Variants in KSR2 observed in about 807,000 individuals in gnomAD.
The protein encoded by KSR2 is kinase suppressor of ras 2.
A neutral mutation model predicts 107.8 loss-of-function variants in KSR2; 25 were observed. The observed-to-expected ratio is 0.23, with a 90% CI of 0.17 to 0.32. The LOEUF (loss-of-function observed/expected upper bound fraction) is 0.32, where lower values mean the gene tolerates loss of function less well. Ranked by LOEUF, KSR2 falls within the 10% of genes least tolerant of loss-of-function variation. KSR2 has a pLI of 1.00. For missense variants in KSR2, 887 were observed against 1,268.9 expected (o/e 0.70, Z 4.57); for synonymous variants, 480 against 507.0 (o/e 0.95, Z 0.71).
intron 3 of KSR2, among the ~76,000 whole-genome samples, chr12:117,852,331 G>A (rs904882090): frequency 2.0e-5 from 3 of 151,944 alleles, no homozygotes; most frequent in Admixed American, 6.6e-5. Flanking sequence ...GGGAGGCTAA[G>A]GCAGGAGAAC....
intron 3 of KSR2, among the ~76,000 whole-genome samples, chr12:117,836,246 C>T (rs956616826): frequency 1.3e-5 from 2 of 152,222 alleles, no homozygotes; most frequent in South Asian, 2.1e-4. Flanking sequence ...CCTCAACTGT[C>T]GGTACCCATC....
intron 4 of KSR2, among the ~76,000 whole-genome samples, chr12:117,698,045 C>T (rs532839708): frequency 3.3e-5 from 5 of 152,106 alleles, no homozygotes; most frequent in African/African-American, 9.6e-5. Context: ...CGAAGAACAC[C>T]GAAGACTGCC....
intron 3 of KSR2, among the ~76,000 whole-genome samples, chr12:117,851,307 G>A (rs1256525680): frequency 6.6e-6 from 1 of 152,200 alleles, no homozygotes; most frequent in Non-Finnish European, 1.5e-5. Flanking sequence ...AGTGCTGCTT[G>A]ACCAAGCATG....
At chr12:117,712,749 A>G (rs995256948) in intron 4 of KSR2, among the ~76,000 whole-genome samples, 1 of 152,200 alleles carries the variant, frequency 6.6e-6, no homozygotes, top group African/African-American at 2.4e-5. Context: ...GGTCAGTCAC[A>G]TAGCCAATTC....
chr12:117,927,670 G>A (rs1007763704), intron 1 of KSR2, among the ~76,000 whole-genome samples: 2 of 151,934 alleles, frequency 1.3e-5, no homozygotes, highest in Non-Finnish European at 2.9e-5. Context: ...TCCAACCTGG[G>A]CGACAGAGCA....
chr12:117,673,680 TC>T (rs1226078675), intron 4 of KSR2, among the ~76,000 whole-genome samples: 1 of 151,200 alleles, frequency 6.6e-6, no homozygotes, highest in Non-Finnish European at 1.5e-5. Context: ...CAAGGCATGG[TC>T]AGGGGGAAAA....
At chr12:117,870,136 C>A (rs1164366665) in intron 1 of KSR2, among the ~76,000 whole-genome samples, 1 of 152,172 alleles carries the variant, frequency 6.6e-6, no homozygotes, top group Non-Finnish European at 1.5e-5. Context: ...TGGGCATCGA[C>A]CCCTCAGGGG....
Position 117,739,470 on chromosome 12 carries a change from C to T in KSR2, c.986+21541G>A, listed in dbSNP as rs1193205293. 2.0e-5 allele frequency among the ~76,000 whole-genome samples: 3 copies of T among 152,168 alleles called. No individual in the cohort carries two copies. The East Asian group carries it at 5.8e-4, about 29-fold the overall frequency. ...GCTCCATTATAATCGTAGAGACCAC[C>T]GTTGAGATAAGCAGGTCATCCTTGC... On this transcript the variant is annotated intron_variant, in intron 4 of 19. Transcript: ENST00000339824.
At chr12:117,846,247 G>A (rs528632379) in intron 3 of KSR2, among the ~76,000 whole-genome samples, 1 of 149,168 alleles carries the variant, frequency 6.7e-6, no homozygotes, top group Non-Finnish European at 1.5e-5. Flanking sequence ...AGCCACCATT[G>A]TTTCACTTCA....
intron 2 of KSR2, among the ~76,000 whole-genome samples, chr12:117,856,515 T>C (rs1156971927): frequency 6.6e-6 from 1 of 152,190 alleles, no homozygotes; most frequent in Non-Finnish European, 1.5e-5. Flanking sequence ...TCGCTCTTGT[T>C]TCCCAGGCTG....
At chr12:117,913,126 T>C (rs1403005277) in intron 1 of KSR2, among the ~76,000 whole-genome samples, 1 of 152,100 alleles carries the variant, frequency 6.6e-6, no homozygotes, top group African/African-American at 2.4e-5. Flanking sequence ...CGTTCCCGAG[T>C]TGGCCTCAGA....
chr12:117,878,759 A>G (rs1347008610), intron 1 of KSR2, among the ~76,000 whole-genome samples: 1 of 152,238 alleles, frequency 6.6e-6, no homozygotes, highest in Non-Finnish European at 1.5e-5. Context: ...TCCTGAAAGC[A>G]GGTCTCACTG....
At chr12:117,849,667 TC>T (rs1420031005) in intron 3 of KSR2, among the ~76,000 whole-genome samples, 5 of 152,106 alleles carry the variant, frequency 3.3e-5, no homozygotes, top group Admixed American at 3.3e-4. Context: ...CATTAACATC[TC>T]TAAAATAAAG....
At chr12:117,524,808 CAG>C (rs750639450) in intron 14 of KSR2, 42 bp downstream of exon 14, 4 of 1,551,404 alleles carry the variant, frequency 2.6e-6, no homozygotes, top group Admixed American at 2.0e-5. Flanking sequence ...ATGCCAGAAG[CAG>C]AGTTTTGCCA....
chr12:117,717,526 A>C (rs1887031338), intron 4 of KSR2, among the ~76,000 whole-genome samples: 1 of 152,156 alleles, frequency 6.6e-6, no homozygotes, highest in South Asian at 2.1e-4. Context: ...CTCAAAAATA[A>C]AACATAAAAA....
intron 4 of KSR2, among the ~76,000 whole-genome samples, chr12:117,731,515 C>T (rs555761599): frequency 1.1e-3 from 171 of 152,114 alleles, no homozygotes; most frequent in African/African-American, 3.8e-3. Context: ...TCTGTCCGGC[C>T]GCCACCCCGT....
intron 1 of KSR2, among the ~76,000 whole-genome samples, chr12:117,896,958 G>A (rs1894532899): frequency 6.6e-6 from 1 of 152,158 alleles, no homozygotes; most frequent in East Asian, 1.9e-4. Flanking sequence ...CTGAGGTTAA[G>A]GATCCAGTGT....
rs199562631 is a variant in KSR2 at position 117,721,260 on chromosome 12, GC to G, written c.986+39750del. ...ATACCAATGCAATGCAACATTATGT[GC>G]CCATCTAAAAATGGAAACTCCCATT... On this transcript the variant is annotated intron_variant, in intron 4 of 19. Transcript: ENST00000339824. 6.4e-3 allele frequency among the ~76,000 whole-genome samples: 976 copies of G among 152,272 alleles called. 11 individuals carry two copies. Among genetic ancestry groups the G allele is most frequent in the African/African-American group, 0.022 (915 of 41,548 alleles).
At chr12:117,886,854 T>C (rs990239465) in intron 1 of KSR2, among the ~76,000 whole-genome samples, 1 of 152,204 alleles carries the variant, frequency 6.6e-6, no homozygotes, top group East Asian at 1.9e-4. Context: ...CTCATGTGCA[T>C]GTATTACCTG....
Sources: allele counts gnomAD v4.1 joint callset (sites outside exome capture counted in the v4.1 genomes callset), GRCh38; gene constraint gnomAD v4.1.1; transcripts MANE v1.5; gene names NCBI Gene and HGNC (gene_info 2026-07-23, HGNC 2026-07-21).